NRP1: variants seen among roughly 807,000 people sequenced by gnomAD.
NRP1 encodes neuropilin-1.
In NRP1, 35 loss-of-function variants were observed where a neutral mutation model predicts 106.7. The observed-to-expected ratio is 0.33, with a 90% CI of 0.25 to 0.43. The LOEUF is 0.43. NRP1 is among the 20% of genes least tolerant of loss of function. NRP1 has a pLI of 1.00. For missense variants in NRP1, 1,024 were observed against 1,170.4 expected, an observed-to-expected ratio of 0.87 and a Z score of 1.83; for synonymous variants, 437 against 417.9, an observed-to-expected ratio of 1.05 and a Z score of -0.56.
chr10:33,286,810 C>A (rs1043996955), intron 2 of NRP1, among the ~76,000 whole-genome samples: 6 of 152,126 alleles, frequency 3.9e-5, no homozygotes, highest in African/African-American at 1.4e-4. Flanking sequence ...CCCCCCCACC[C>A]AAGCAACTAG....
intron 11 of NRP1, among the ~76,000 whole-genome samples, chr10:33,198,632 C>T (rs1419851770): frequency 6.6e-6 from 1 of 152,098 alleles, no homozygotes; most frequent in Admixed American, 6.6e-5. Context: ...GGGTATTAAA[C>T]TTGACCTCAA....
chr10:33,321,518 G>A (rs904087549), intron 2 of NRP1, among the ~76,000 whole-genome samples: 7 of 152,178 alleles, frequency 4.6e-5, no homozygotes, highest in Non-Finnish European at 4.4e-5. Flanking sequence ...GTAGAGACTT[G>A]TGTCTGTTTT....
chr10:33,279,953 G>A (rs928544179), intron 2 of NRP1, among the ~76,000 whole-genome samples: 1 of 152,190 alleles, frequency 6.6e-6, no homozygotes, highest in Non-Finnish European at 1.5e-5. Flanking sequence ...ACAATGAATA[G>A]GAAAGCAGGA....
chr10:33,192,251 G>A (rs776135421), intron 13 of NRP1, 30 bp downstream of exon 13: 4 of 1,596,412 alleles, frequency 2.5e-6, no homozygotes, highest in Non-Finnish European at 3.4e-6. Context: ...AATCTGCAAA[G>A]CCATGCAGCC....
intron 6 of NRP1, among the ~76,000 whole-genome samples, chr10:33,228,718 G>T (rs959805125): frequency 6.6e-6 from 1 of 152,108 alleles, no homozygotes; most frequent in African/African-American, 2.4e-5. Context: ...GAAAGAATGG[G>T]ACTATCATTC....
chr10:33,282,891 G>C (rs538460622), intron 2 of NRP1, among the ~76,000 whole-genome samples: 1 of 152,188 alleles, frequency 6.6e-6, no homozygotes, highest in East Asian at 1.9e-4. Context: ...GACCACAGGT[G>C]CCCACCACCA....
rs1006691139 is a variant in NRP1, at chr10:33,323,449, GT to G, written c.248+7258del. On this transcript the variant is annotated intron_variant, in intron 2 of 16. Transcript: ENST00000374867. ...AGACGGAAGCCAAAATATTCTGTTT[GT>G]TTTTTTTTCTTCCTCTGCTCCTCTG... Among the ~76,000 whole-genome samples the G allele has an allele frequency of 6.0e-5, 9 of 151,058 alleles. No individual in the cohort carries two copies. The East Asian group carries it at 9.8e-4, about 16-fold the overall frequency.
chr10:33,332,398 G>A (rs1046307846), intron 1 of NRP1, among the ~76,000 whole-genome samples: 3 of 152,184 alleles, frequency 2.0e-5, no homozygotes, highest in African/African-American at 7.2e-5. Flanking sequence ...AAGTGACCTC[G>A]TCTCATTAAG....
At chr10:33,210,141 A>G (rs901943500) in intron 9 of NRP1, among the ~76,000 whole-genome samples, 17 of 152,116 alleles carry the variant, frequency 1.1e-4, no homozygotes, top group African/African-American at 4.1e-4. Flanking sequence ...AGCCTCTAGG[A>G]GTTTAAAAAT....
intron 16 of NRP1, among the ~76,000 whole-genome samples, 182 bp downstream of exon 16, chr10:33,182,516 C>T (rs111876281): frequency 2.8e-4 from 43 of 152,168 alleles, no homozygotes; most frequent in African/African-American, 9.9e-4. Context: ...ATGGGCAGCT[C>T]GGAAGTGGGT....
chr10:33,211,939 T>TA (rs1320107210), intron 9 of NRP1: 7 of 152,356 alleles, frequency 4.6e-5, no homozygotes, highest in African/African-American at 1.7e-4. Context: ...ACACAGAACT[T>TA]AAACTGCTAG....
At chr10:33,191,275 C>A (rs1478857900) in intron 13 of NRP1, among the ~76,000 whole-genome samples, 1 of 152,200 alleles carries the variant, frequency 6.6e-6, no homozygotes, top group Non-Finnish European at 1.5e-5. Context: ...TCCCCCAACC[C>A]ATTCCTCCCC....
At chr10:33,279,978 A>C (rs894283117) in intron 2 of NRP1, among the ~76,000 whole-genome samples, 1 of 152,338 alleles carries the variant, frequency 6.6e-6, no homozygotes, top group East Asian at 1.9e-4. Flanking sequence ...GGATTGAGCC[A>C]CACTCTCCTG....
intron 2 of NRP1, among the ~76,000 whole-genome samples, chr10:33,326,978 A>G (rs1230417030): frequency 6.6e-6 from 1 of 152,006 alleles, no homozygotes; most frequent in Non-Finnish European, 1.5e-5. Context: ...TTTTTTTTCT[A>G]CCAGGACTAT....
intron 2 of NRP1, among the ~76,000 whole-genome samples, chr10:33,287,654 C>T (rs1844673806): frequency 6.6e-6 from 1 of 152,168 alleles, no homozygotes; most frequent in Admixed American, 6.5e-5. Flanking sequence ...ATGGGTTTCA[C>T]AGGCAATTCT....
chr10:33,243,393 A>T (rs1414462944), intron 6 of NRP1, among the ~76,000 whole-genome samples: 1 of 152,164 alleles, frequency 6.6e-6, no homozygotes, highest in African/African-American at 2.4e-5. Flanking sequence ...GAATCACAGA[A>T]TTTTAAATGC....
chr10:33,323,212 G>A (rs1847644061), intron 2 of NRP1, among the ~76,000 whole-genome samples: 1 of 146,828 alleles, frequency 6.8e-6, no homozygotes, highest in Non-Finnish European at 1.5e-5. Flanking sequence ...ATCCTTCTGT[G>A]TTTTAAATAA....
chr10:33,303,591 C>T (rs1281171616), intron 2 of NRP1, among the ~76,000 whole-genome samples: 1 of 152,098 alleles, frequency 6.6e-6, no homozygotes, highest in Non-Finnish European at 1.5e-5. Flanking sequence ...AATAAGGAAA[C>T]AAAATGATGA....
intron 6 of NRP1, among the ~76,000 whole-genome samples, chr10:33,236,105 A>G (rs58972129): frequency 2.4e-3 from 372 of 152,364 alleles, no homozygotes; most frequent in Non-Finnish European, 4.2e-3. Context: ...CATTTAATTT[A>G]AAACCTGAGC....
Sources: gnomAD v4.1 joint callset for allele counts (sites outside exome capture counted in the v4.1 genomes callset) on GRCh38, gnomAD v4.1.1 for gene constraint, MANE v1.5 for transcripts, NCBI Gene and HGNC (gene_info 2026-07-23, HGNC 2026-07-21) for gene names.